LINGO2: variants seen among roughly 807,000 people sequenced by gnomAD.
LINGO2 encodes leucine rich repeat and Ig domain containing 2.
A neutral mutation model predicts 30.6 loss-of-function variants in LINGO2; 14 were observed. That is an observed-to-expected ratio of 0.46 (90% confidence interval 0.30 to 0.72). The LOEUF (loss-of-function observed/expected upper bound fraction) is 0.72. Ranked by LOEUF, LINGO2 falls within the 30% of genes least tolerant of loss-of-function variation. LINGO2 has a pLI of 0.07. For synonymous variants in LINGO2, 317 were observed against 288.5 expected (o/e 1.10, Z -1.00); for missense variants, 729 against 751.7 (o/e 0.97, Z 0.35).
chr9:28,300,213 G>A (rs759522913), intron 3 of LINGO2, among the ~76,000 whole-genome samples: 1 of 151,458 alleles, frequency 6.6e-6, no homozygotes, highest in South Asian at 2.1e-4. Context: ...AGTATGAATA[G>A]CACATCAGTG....
chr9:28,046,033 G>A (rs764018), intron 4 of LINGO2, among the ~76,000 whole-genome samples: 2 of 152,158 alleles, frequency 1.3e-5, no homozygotes, highest in African/African-American at 2.4e-5. Flanking sequence ...GCCTCCACTA[G>A]TGGACATAGC....
chr9:28,639,177 C>G (rs1827442651), intron 1 of LINGO2, among the ~76,000 whole-genome samples: 2 of 152,106 alleles, frequency 1.3e-5, no homozygotes, highest in South Asian at 4.2e-4. Context: ...GCACTGTGGT[C>G]TGAGAGACAG....
At chr9:28,682,426 A>T in the LINGO2 span, among the ~76,000 whole-genome samples, 1 of 152,272 alleles carries the variant, frequency 6.6e-6, no homozygotes, top group East Asian at 1.9e-4. Flanking sequence ...GGTCATAACC[A>T]AAGTCTTGAT....
chr9:28,128,916 G>C (rs915952795), intron 4 of LINGO2, among the ~76,000 whole-genome samples: 1 of 152,166 alleles, frequency 6.6e-6, no homozygotes, highest in Non-Finnish European at 1.5e-5. Context: ...CAGTCTGCGT[G>C]GGCACCATCC....
intron 2 of LINGO2, among the ~76,000 whole-genome samples, chr9:28,417,168 T>C (rs1036821936): frequency 6.6e-6 from 1 of 152,148 alleles, no homozygotes; most frequent in African/African-American, 2.4e-5. Flanking sequence ...GGTTAGTCTG[T>C]GAAGGACTCT....
At chr9:28,255,325 C>G (rs1822347196) in intron 4 of LINGO2, among the ~76,000 whole-genome samples, 1 of 151,984 alleles carries the variant, frequency 6.6e-6, no homozygotes, top group Non-Finnish European at 1.5e-5. Context: ...TGGCTTTTGA[C>G]TTCTGCCCTC....
chr9:29,074,106 T>C, the LINGO2 span, among the ~76,000 whole-genome samples: 1 of 152,124 alleles, frequency 6.6e-6, no homozygotes, highest in South Asian at 2.1e-4. Context: ...CCAAGAAAGA[T>C]AAAGAACATT....
At chr9:29,076,051 G>A in the LINGO2 span, among the ~76,000 whole-genome samples, 5 of 149,692 alleles carry the variant, frequency 3.3e-5, no homozygotes, top group Non-Finnish European at 7.4e-5. Flanking sequence ...TTTAATTTTC[G>A]TTGTTTTTGT....
chr9:28,776,183 T>C, the LINGO2 span, among the ~76,000 whole-genome samples: 1 of 152,214 alleles, frequency 6.6e-6, no homozygotes, highest in African/African-American at 2.4e-5. Context: ...CAGTGAGCTT[T>C]AGTGATCCTT....
chr9:28,212,851 A>T (rs1352420062), intron 4 of LINGO2, among the ~76,000 whole-genome samples: 1 of 151,444 alleles, frequency 6.6e-6, no homozygotes, highest in Non-Finnish European at 1.5e-5. Context: ...ACAGCACTGA[A>T]CCAGATACAT....
At chr9:28,808,221 A>G in the LINGO2 span, among the ~76,000 whole-genome samples, 1 of 152,218 alleles carries the variant, frequency 6.6e-6, no homozygotes, top group Admixed American at 6.5e-5. Flanking sequence ...CAATCCTGCC[A>G]TGAATCCTTA....
chr9:28,156,806 A>C (rs1828144006), intron 4 of LINGO2, among the ~76,000 whole-genome samples: 1 of 152,248 alleles, frequency 6.6e-6, no homozygotes, highest in Admixed American at 6.5e-5. Context: ...TGGCAGTCTG[A>C]AATCCAGCAG....
chr9:28,833,489 A>G, the LINGO2 span, among the ~76,000 whole-genome samples: 1 of 152,182 alleles, frequency 6.6e-6, no homozygotes, highest in Non-Finnish European at 1.5e-5. Context: ...ATGATATGTA[A>G]TGGAACCTAA....
the LINGO2 span, among the ~76,000 whole-genome samples, chr9:28,954,972 G>T: frequency 1.9e-3 from 284 of 152,118 alleles, 1 homozygote; most frequent in African/African-American, 6.5e-3. Flanking sequence ...GACTCATACC[G>T]AACCAATGTC....
At chr9:27,986,559 T>C (rs1587619491) in intron 5 of LINGO2, among the ~76,000 whole-genome samples, 1 of 151,792 alleles carries the variant, frequency 6.6e-6, no homozygotes, top group South Asian at 2.1e-4. Flanking sequence ...TAAGGGTCTA[T>C]GTTAGGAAAA....
At chr9:29,022,363 G>T in the LINGO2 span, among the ~76,000 whole-genome samples, 1 of 152,122 alleles carries the variant, frequency 6.6e-6, no homozygotes, top group South Asian at 2.1e-4. Flanking sequence ...TCACACTCAC[G>T]CAGAATGGTG....
At chr9:28,216,079 T>C (rs1422340185) in intron 4 of LINGO2, among the ~76,000 whole-genome samples, 1 of 151,862 alleles carries the variant, frequency 6.6e-6, no homozygotes, top group Non-Finnish European at 1.5e-5. Context: ...AGAACTAAGC[T>C]GGAAAATGTG....
At chr9:28,640,864 G>T (rs2135933275) in intron 1 of LINGO2, among the ~76,000 whole-genome samples, 1 of 152,220 alleles carries the variant, frequency 6.6e-6, no homozygotes, top group South Asian at 2.1e-4. Context: ...TTCTGTTGCT[G>T]GTGAGGAGCT....
intron 2 of LINGO2, among the ~76,000 whole-genome samples, chr9:28,391,824 G>A (rs907983422): frequency 3.9e-5 from 6 of 151,936 alleles, no homozygotes; most frequent in Admixed American, 6.6e-5. Context: ...CTCTAGGCAC[G>A]TGGGCTACAT....
Sources: allele counts gnomAD v4.1 joint callset (sites outside exome capture counted in the v4.1 genomes callset), GRCh38; gene constraint gnomAD v4.1.1; transcripts MANE v1.5; gene names NCBI Gene and HGNC (gene_info 2026-07-23, HGNC 2026-07-21).